The following GRM5 variants were observed in gnomAD, a reference collection of about 807,000 sequenced individuals.
GRM5 encodes the protein metabotropic glutamate receptor 5.
Under a neutral mutation model 83.1 loss-of-function variants are expected in GRM5, and 19 were observed. The ratio of observed to expected loss-of-function variants is 0.23; its 90% CI spans 0.16 to 0.34. GRM5 has a LOEUF of 0.34. Among genes scored for constraint, GRM5 ranks in the 10% least tolerant of loss-of-function variants. GRM5 has a pLI of 1.00. For synonymous variants in GRM5, 675 were observed against 633.6 expected (o/e 1.07, Z -0.98); for missense variants, 1,160 against 1,588.3 (o/e 0.73, Z 4.58).
intron 3 of GRM5, among the ~76,000 whole-genome samples, chr11:88,676,384 G>A (rs1184333087): frequency 6.6e-6 from 1 of 151,988 alleles, no homozygotes; most frequent in Non-Finnish European, 1.5e-5. Context: ...ACAATGACAA[G>A]CTGTTCTTTA....
At chr11:88,627,030 C>A (rs1938817301) in intron 4 of GRM5, among the ~76,000 whole-genome samples, 1 of 152,234 alleles carries the variant, frequency 6.6e-6, no homozygotes, top group South Asian at 2.1e-4. Context: ...GCAGCCCAAG[C>A]TGACTTAACA....
chr11:88,967,276 TAA>T (rs944551514), intron 2 of GRM5, among the ~76,000 whole-genome samples: 7 of 125,184 alleles, frequency 5.6e-5, no homozygotes, highest in Non-Finnish European at 1.2e-4. Flanking sequence ...TATATATATA[TAA>T]AATCTTCTGA....
chr11:88,774,762 T>C (rs1439850199), intron 3 of GRM5, among the ~76,000 whole-genome samples: 1 of 151,784 alleles, frequency 6.6e-6, no homozygotes. Flanking sequence ...TTATTGCGTA[T>C]GTTGAAGCAG....
At chr11:89,045,278 G>T (rs1176514817) in intron 2 of GRM5, among the ~76,000 whole-genome samples, 1 of 151,988 alleles carries the variant, frequency 6.6e-6, no homozygotes, top group African/African-American at 2.4e-5. Flanking sequence ...TTAATATAGA[G>T]CTTAAAGTGT....
chr11:88,743,234 G>A (rs951489473), intron 3 of GRM5, among the ~76,000 whole-genome samples: 14 of 152,194 alleles, frequency 9.2e-5, no homozygotes, highest in African/African-American at 2.9e-4. Flanking sequence ...GCAAGTAAAT[G>A]TGTAAAGCTC....
At chr11:89,043,642 A>C (rs1941581588) in intron 2 of GRM5, among the ~76,000 whole-genome samples, 1 of 151,888 alleles carries the variant, frequency 6.6e-6, no homozygotes, top group Non-Finnish European at 1.5e-5. Flanking sequence ...TTAGAGACTA[A>C]AGTGAGAGGG....
At chr11:88,717,000 C>A (rs959449354) in intron 3 of GRM5, among the ~76,000 whole-genome samples, 2 of 151,920 alleles carry the variant, frequency 1.3e-5, no homozygotes, top group African/African-American at 4.8e-5. Context: ...GAAGAATAAG[C>A]CAGCCCTGTT....
At chr11:88,674,629 G>A (rs1940277071) in intron 3 of GRM5, among the ~76,000 whole-genome samples, 1 of 151,818 alleles carries the variant, frequency 6.6e-6, no homozygotes, top group African/African-American at 2.4e-5. Context: ...TAGGTTTGGG[G>A]CAGTGTCACT....
intron 3 of GRM5, among the ~76,000 whole-genome samples, chr11:88,672,429 T>C (rs1940218359): frequency 6.6e-6 from 1 of 151,912 alleles, no homozygotes; most frequent in Non-Finnish European, 1.5e-5. Context: ...TACAGAAAAG[T>C]ATAATTTAAA....
chr11:88,703,405 C>T (rs1179281856), intron 3 of GRM5, among the ~76,000 whole-genome samples: 2 of 151,948 alleles, frequency 1.3e-5, no homozygotes, highest in East Asian at 3.9e-4. Context: ...GTAGACATCT[C>T]ATGTTACCTT....
At chr11:88,796,923 TG>T (rs1292314886) in intron 3 of GRM5, among the ~76,000 whole-genome samples, 1 of 148,250 alleles carries the variant, frequency 6.7e-6, no homozygotes, top group Non-Finnish European at 1.5e-5. Context: ...TGTGTGTGTG[TG>T]TGTGTGTGTG....
At chr11:88,728,398 A>G (rs562477464) in intron 3 of GRM5, among the ~76,000 whole-genome samples, 1 of 152,270 alleles carries the variant, frequency 6.6e-6, no homozygotes, top group East Asian at 1.9e-4. Context: ...CTAACCAAAA[A>G]AAAAGCCCAG....
chr11:88,845,912 C>T (rs1944297410), intron 3 of GRM5, among the ~76,000 whole-genome samples: 1 of 152,180 alleles, frequency 6.6e-6, no homozygotes, highest in South Asian at 2.1e-4. Context: ...AGAATAATAT[C>T]TACCTCTGGG....
intron 3 of GRM5, among the ~76,000 whole-genome samples, chr11:88,664,587 C>G (rs544314596): frequency 6.6e-6 from 1 of 151,996 alleles, no homozygotes; most frequent in Non-Finnish European, 1.5e-5. Context: ...GCAGGGACTA[C>G]GGGTGTGCAC....
chr11:88,545,541 T>C (rs1389320940), intron 8 of GRM5, among the ~76,000 whole-genome samples: 2 of 151,352 alleles, frequency 1.3e-5, no homozygotes, highest in Non-Finnish European at 2.9e-5. Flanking sequence ...AACTTAGTTA[T>C]CAATTTTACC....
intron 2 of GRM5, among the ~76,000 whole-genome samples, chr11:88,970,205 T>G (rs1939124307): frequency 2.0e-5 from 3 of 152,102 alleles, no homozygotes; most frequent in Non-Finnish European, 4.4e-5. Flanking sequence ...AAATAGATCA[T>G]AGGAGGTATA....
chr11:88,527,254 T>C (rs1941901988), intron 8 of GRM5, among the ~76,000 whole-genome samples: 1 of 152,208 alleles, frequency 6.6e-6, no homozygotes. Flanking sequence ...ATCCTTAACA[T>C]ATTTTTGAAT....
intron 8 of GRM5, among the ~76,000 whole-genome samples, chr11:88,530,814 G>A (rs1490561565): frequency 6.6e-6 from 1 of 152,036 alleles, no homozygotes; most frequent in African/African-American, 2.4e-5. Context: ...TGTGCCTGAA[G>A]CTGGCAGAAA....
chr11:88,681,272 T>A (rs1396882211), intron 3 of GRM5, among the ~76,000 whole-genome samples: 1 of 152,156 alleles, frequency 6.6e-6, no homozygotes, highest in Non-Finnish European at 1.5e-5. Context: ...CTTGTATTAA[T>A]GGAGCACATT....
Sources: gnomAD v4.1 joint callset for allele counts (sites outside exome capture counted in the v4.1 genomes callset) on GRCh38, gnomAD v4.1.1 for gene constraint, MANE v1.5 for transcripts, NCBI Gene and HGNC (gene_info 2026-07-23, HGNC 2026-07-21) for gene names.